Variants in SLC36A1 observed in about 807,000 individuals in gnomAD.
SLC36A1 encodes solute carrier family 36 member 1.
In SLC36A1, 30 loss-of-function variants were observed where a neutral mutation model predicts 47.5. That is an observed-to-expected ratio of 0.63 (90% CI 0.47 to 0.86). SLC36A1 has a LOEUF of 0.86. SLC36A1 is among the 40% of genes least tolerant of loss of function. The pLI is 0.00. For synonymous variants in SLC36A1, 255 were observed against 249.7 expected, an observed-to-expected ratio of 1.02 and a Z score of -0.20; for missense variants, 517 against 606.0, an observed-to-expected ratio of 0.85 and a Z score of 1.54.
At position 151,479,315 on chromosome 5, in the gene SLC36A1, G is replaced by T. The variant is rs777756486; in HGVS notation, c.990-5G>T. On this transcript the variant is annotated splice_region_variant and splice_polypyrimidine_tract_variant and intron_variant, in intron 9 of 10. Coordinates refer to ENST00000243389, the MANE Select transcript of SLC36A1 (RefSeq NM_078483.4). ...GCTTGGAATGTCTCCTGTCTGTTTC[G>T]GCAGGTTGTACCAGTCAGTTAAGCT... 6.2e-7 allele frequency: 1 copy of T among 1,612,832 alleles called. No homozygotes were observed. The highest frequency in any genetic ancestry group is 1.1e-5 in the South Asian group (1 of 90,944).
chr5:151,492,072 T>C lies in SLC36A1; in HGVS notation c.*3818T>C, dbSNP rs556613544. 1.3e-5 allele frequency: 2 copies of C among 152,378 alleles called. No homozygotes were observed. The highest frequency in any genetic ancestry group is 2.1e-4 in the South Asian group (1 of 4,830). 9.4% of individuals were successfully genotyped at this position (152,378 alleles called of 1,614,324 possible). Reference sequence around the variant, plus strand: ...AGATATAGGTGCAGGGTGCCTGTCATTCACTGTGTTATTTGGTTTAAATCA... The same window carrying C: ...AGATATAGGTGCAGGGTGCCTGTCACTCACTGTGTTATTTGGTTTAAATCA... On this transcript the variant is annotated 3_prime_UTR_variant, in exon 11 of 11. Transcript: ENST00000243389.
At chr5:151,398,056 T>A in the SLC36A1 span, among the ~76,000 whole-genome samples, 1 of 152,160 alleles carries the variant, frequency 6.6e-6, no homozygotes. Context: ...AGGTTGAGGC[T>A]ATAGTAAGCC....
At chr5:151,538,757 A>C in the SLC36A1 span, among the ~76,000 whole-genome samples, 1 of 152,076 alleles carries the variant, frequency 6.6e-6, no homozygotes. Flanking sequence ...GGCTCACTGC[A>C]ACCTCCTCCT....
At chr5:151,353,279 C>T in the SLC36A1 span, among the ~76,000 whole-genome samples, 1 of 152,082 alleles carries the variant, frequency 6.6e-6, no homozygotes, top group Non-Finnish European at 1.5e-5. Context: ...AACTGAGGCC[C>T]AGAGAGGAGA....
the SLC36A1 span, among the ~76,000 whole-genome samples, chr5:151,401,732 C>A: frequency 6.6e-6 from 1 of 152,110 alleles, no homozygotes; most frequent in East Asian, 1.9e-4. Flanking sequence ...CATTCACCTC[C>A]TTAGTTAGAT....
the SLC36A1 span, among the ~76,000 whole-genome samples, chr5:151,412,915 C>T: frequency 4.8e-5 from 7 of 144,546 alleles, 2 homozygotes; most frequent in Admixed American, 1.4e-4. Context: ...TTAGTGACTG[C>T]TCAGCCTTCA....
chr5:151,546,103 A>G, the SLC36A1 span: 1 of 1,614,192 alleles, frequency 6.2e-7, no homozygotes, highest in Non-Finnish European at 8.5e-7. Context: ...TGGGGAACCA[A>G]CAGGGATTGA....
chr5:151,363,244 AG>A, the SLC36A1 span, among the ~76,000 whole-genome samples: 1 of 152,184 alleles, frequency 6.6e-6, no homozygotes. Context: ...GCTGGCTAGG[AG>A]TTCATGCCCA....
At position 151,467,902 on chromosome 5, in the gene SLC36A1, A is replaced by T; in HGVS notation, c.700A>T (p.Met234Leu). Residue 234 changes from methionine to leucine, a missense_variant, in exon 7 of 11, where the codon ATG becomes TTG. Physicochemically the swap from Met to Leu is conservative, Grantham distance 15. Transcript: ENST00000243389. ...CATCACCATGCTGGTCAGCTTGGTC[A>T]TGATCTACCAGTTCATTGTTCAGGT... ...ANITMLVSLV[M>L]IYQFIVQRIP... The T allele has an allele frequency of 2.5e-6, 4 of 1,613,608 alleles. No homozygotes were observed. In the South Asian group the frequency reaches 3.3e-5, roughly 13 times the overall value.
the SLC36A1 span, among the ~76,000 whole-genome samples, chr5:151,500,878 T>C: frequency 6.6e-6 from 1 of 152,168 alleles, no homozygotes; most frequent in Non-Finnish European, 1.5e-5. Flanking sequence ...GCAGGCCCAG[T>C]AAACTGGTCC....
the SLC36A1 span, chr5:151,521,943 C>T: frequency 1.3e-5 from 21 of 1,614,098 alleles, no homozygotes; most frequent in African/African-American, 8.0e-5. Flanking sequence ...GGATCTTACC[C>T]ACCATGCCAC....
chr5:151,391,028 T>C, the SLC36A1 span, among the ~76,000 whole-genome samples: 1 of 152,226 alleles, frequency 6.6e-6, no homozygotes, highest in Non-Finnish European at 1.5e-5. Context: ...TATTGATTCT[T>C]CCTATCCATG....
the SLC36A1 span, chr5:151,549,373 C>CG: frequency 6.2e-7 from 1 of 1,613,968 alleles, no homozygotes; most frequent in Non-Finnish European, 8.5e-7. Flanking sequence ...AGCTCTGTGC[C>CG]GGGGGCTATG....
intron 9 of SLC36A1, 44 bp from the exon 10 acceptor site, chr5:151,479,276 A>G: frequency 6.2e-7 from 1 of 1,600,758 alleles, no homozygotes; most frequent in Non-Finnish European, 8.5e-7. Flanking sequence ...ATGATGTATA[A>G]GTGTGCTGAG....
the SLC36A1 span, among the ~76,000 whole-genome samples, chr5:151,405,627 C>T: frequency 1.3e-5 from 2 of 150,924 alleles, no homozygotes; most frequent in Non-Finnish European, 2.9e-5. Flanking sequence ...GATAAGAAAA[C>T]CTTTAGAGAT....
the SLC36A1 span, among the ~76,000 whole-genome samples, chr5:151,421,215 T>TCCTTCCTTCCTC: frequency 7.0e-6 from 1 of 142,676 alleles, no homozygotes; most frequent in East Asian, 2.2e-4. Context: ...CTTCCTTCCT[T>TCCTTCCTTCCTC]CCTCCCTTTC....
the SLC36A1 span, among the ~76,000 whole-genome samples, chr5:151,550,200 T>C: frequency 6.6e-6 from 1 of 152,184 alleles, no homozygotes; most frequent in Non-Finnish European, 1.5e-5. Flanking sequence ...TGAGCCCTCC[T>C]TACATTTTGT....
At chr5:151,423,319 CA>C in the SLC36A1 span, among the ~76,000 whole-genome samples, 1 of 152,138 alleles carries the variant, frequency 6.6e-6, no homozygotes, top group East Asian at 1.9e-4. Flanking sequence ...TTTACACCCA[CA>C]AAAAACCCTG....
chr5:151,506,751 A>G, the SLC36A1 span, among the ~76,000 whole-genome samples: 1 of 152,236 alleles, frequency 6.6e-6, no homozygotes, highest in Admixed American at 6.5e-5. Flanking sequence ...TTCCCCCTCT[A>G]GGTCAGCCAG....
Sources: gnomAD v4.1 joint callset for allele counts (sites outside exome capture counted in the v4.1 genomes callset) on GRCh38, gnomAD v4.1.1 for gene constraint, MANE v1.5 for transcripts, NCBI Gene and HGNC (gene_info 2026-07-23, HGNC 2026-07-21) for gene names.